Variants in PLPP4 observed in about 807,000 individuals in gnomAD.
The protein encoded by PLPP4 is diacylglycerol pyrophosphate like 2.
Under a neutral mutation model 32.2 loss-of-function variants are expected in PLPP4, and 20 were observed. The ratio of observed to expected loss-of-function variants is 0.62; its 90% CI spans 0.44 to 0.90. PLPP4 has a LOEUF of 0.90. Ranked by LOEUF, PLPP4 falls within the 40% of genes least tolerant of loss-of-function variation. PLPP4 has a pLI of 0.00. For missense variants in PLPP4, 257 were observed against 353.1 expected (o/e 0.73, Z 2.18); for synonymous variants, 127 against 133.0 (o/e 0.95, Z 0.31).
intron 1 of PLPP4, among the ~76,000 whole-genome samples, chr10:120,463,161 G>T (rs1001997523): frequency 9.2e-5 from 14 of 151,684 alleles, no homozygotes; most frequent in African/African-American, 3.4e-4. Flanking sequence ...CCAGTAGCTG[G>T]GACTACAGGT....
intron 2 of PLPP4, among the ~76,000 whole-genome samples, chr10:120,507,365 A>G (rs970299061): frequency 2.0e-5 from 3 of 151,428 alleles, no homozygotes; most frequent in African/African-American, 7.3e-5. Context: ...CATCATTATC[A>G]TCATCATCAT....
intron 6 of PLPP4, among the ~76,000 whole-genome samples, chr10:120,588,851 GC>G (rs1849885425): frequency 6.6e-6 from 1 of 152,198 alleles, no homozygotes; most frequent in Non-Finnish European, 1.5e-5. Context: ...TTCGAGACCA[GC>G]CTGGCCAACA....
intron 1 of PLPP4, among the ~76,000 whole-genome samples, chr10:120,494,908 T>C (rs1844893598): frequency 6.6e-6 from 1 of 152,198 alleles, no homozygotes; most frequent in Non-Finnish European, 1.5e-5. Context: ...CCAAGTAAGG[T>C]CATATCTCTG....
intron 5 of PLPP4, among the ~76,000 whole-genome samples, chr10:120,543,862 GTATTCGTCTTGTTGTGAC>G (rs1438170325): frequency 2.0e-5 from 3 of 152,278 alleles, no homozygotes; most frequent in Admixed American, 6.5e-5. Context: ...GAATCATACC[GTATTCGTCTTGTTGTGAC>G]TGTTTTCTTT....
rs1409263963 is a variant in PLPP4, at chr10:120,468,045, T to C, written c.56+10684T>C. On this transcript the variant is annotated intron_variant, in intron 1 of 6. Transcript: ENST00000398250. ...GGATAATGACCTCCAGCCCCATCCATGTTCCTGCAAAGGACATGATCTCAT... is the reference window on the plus strand; with the variant it reads ...GGATAATGACCTCCAGCCCCATCCACGTTCCTGCAAAGGACATGATCTCAT... 6.2e-5 allele frequency among the ~76,000 whole-genome samples: 4 copies of C among 64,964 alleles called. 2 individuals are homozygous for C. Among genetic ancestry groups the C allele is most frequent in the Non-Finnish European group, 1.8e-4 (4 of 22,376 alleles). 42.6% of individuals were successfully genotyped at this position (64,964 alleles called of 152,430 possible).
Position 120,541,598 on chromosome 10 carries a change from C to T in PLPP4, c.445+20503C>T, listed in dbSNP as rs369524678. Among the ~76,000 whole-genome samples the T allele has an allele frequency of 2.2e-4, 33 of 152,258 alleles. 1 individual carries two copies. In the South Asian group the frequency reaches 3.9e-3, roughly 18 times the overall value. On this transcript the variant is annotated intron_variant, in intron 5 of 6. Coordinates refer to ENST00000398250, the MANE Select transcript of PLPP4 (RefSeq NM_001030059.3). ...AGGGGGGACATATATTTACTCAACA[C>T]GTTCCTTTTGGAGTGGTTCTCATGT... is the stretch of plus-strand genomic sequence containing the variant.
chr10:120,589,419 G>A lies in PLPP4; in HGVS notation c.733G>A (p.Ala245Thr), dbSNP rs1156656615. ...ACCCTACGTTAGTCTGCGAGTCCCA[G>A]CCTCACTGAAGAAAGAGGAGAGGCC... ...HKPYVSLRVP[A>T]SLKKEERPTA... The change falls in exon 7 of 7, where the codon GCC becomes ACC. Residue 245 changes from alanine (A) to threonine (T), a missense_variant. By Grantham distance (58) the Ala-to-Thr change is moderately conservative. Coordinates refer to ENST00000398250, the MANE Select transcript of PLPP4 (RefSeq NM_001030059.3). 6.2e-7 allele frequency: 1 copy of A among 1,614,130 alleles called. No homozygotes were observed. Among genetic ancestry groups the A allele is most frequent in the Admixed American group, 1.7e-5 (1 of 60,024 alleles).
chr10:120,523,069 G>A (rs908554288), intron 5 of PLPP4, among the ~76,000 whole-genome samples: 3 of 152,082 alleles, frequency 2.0e-5, no homozygotes, highest in Non-Finnish European at 2.9e-5. Context: ...AGCCCAAGGC[G>A]GGTGGATCAC....
In PLPP4 at chr10:120,513,943, T is replaced by C. The variant is rs769043067; in HGVS notation, c.198T>C (p.Ile66=). 2.5e-6 allele frequency: 4 copies of C among 1,614,088 alleles called. No homozygotes were observed. Among genetic ancestry groups the C allele is most frequent in the Non-Finnish European group, 3.4e-6 (4 of 1,179,972 alleles). The change falls in exon 3 of 7, where the codon ATT becomes ATC. Residue 66 remains isoleucine, a synonymous_variant. Transcript: ENST00000398250. ...CTTTCCTCACACCCCTGGCTGTTAT[T>C]TGTGTGGTGAAAATTATCCGGCGAA... The part of the protein sequence containing the change: ...AISFLTPLAV[I]CVVKIIRRTD...
At position 120,457,246 on chromosome 10, in the gene PLPP4, C is replaced by T; in HGVS notation, c.-60C>T. On this transcript the variant is annotated 5_prime_UTR_variant, in exon 1 of 7. Coordinates refer to ENST00000398250, the MANE Select transcript of PLPP4 (RefSeq NM_001030059.3). ...CAGGGTCTGGCGAGCCGGCGCCGGC[C>T]GAGCTGCGGGAGCCGCGGAGAGCAC... 1 of 1,364,652 alleles carries T rather than the reference C, an allele frequency of 7.3e-7. No homozygotes were observed. The highest frequency in any genetic ancestry group is 9.6e-7 in the Non-Finnish European group (1 of 1,036,598). 84.5% of individuals were successfully genotyped at this position (1,364,652 alleles called of 1,614,324 possible).
At chr10:120,521,748 C>T (rs1427320622) in intron 5 of PLPP4, among the ~76,000 whole-genome samples, 1 of 152,212 alleles carries the variant, frequency 6.6e-6, no homozygotes, top group East Asian at 1.9e-4. Flanking sequence ...AATAAGAATG[C>T]CTCCATTATT....
Position 120,485,209 on chromosome 10 carries a change from T to C in PLPP4, c.57-18609T>C, listed in dbSNP as rs115293017. Among the ~76,000 whole-genome samples, 111 of 152,376 alleles carry C rather than the reference T, an allele frequency of 7.3e-4. 1 individual carries two copies. Among genetic ancestry groups the C allele is most frequent in the African/African-American group, 2.6e-3 (109 of 41,606 alleles). ...TGTTACAGCTGCAGTAGGAAACTTA[T>C]ACCATCTGTTTCTAAACCTGTGCCT... On this transcript the variant is annotated intron_variant, in intron 1 of 6. Transcript: ENST00000398250.
chr10:120,499,606 G>C (rs947413675), intron 1 of PLPP4, among the ~76,000 whole-genome samples: 5 of 152,064 alleles, frequency 3.3e-5, no homozygotes, highest in Admixed American at 2.0e-4. Context: ...TGCTGCCCTG[G>C]CCCCTTGTGA....
rs1025587245 is a variant in PLPP4, at chr10:120,473,769, C to A, written c.56+16408C>A. 2.6e-5 allele frequency among the ~76,000 whole-genome samples: 4 copies of A among 152,230 alleles called. No individual in the cohort carries two copies. The South Asian group carries it at 8.3e-4, about 32-fold the overall frequency. On this transcript the variant is annotated intron_variant, in intron 1 of 6. Coordinates refer to ENST00000398250, the MANE Select transcript of PLPP4 (RefSeq NM_001030059.3). ...TGAAAGTGAGTGGCACTTCCCCCTTCACTCTCTCTCTCCCCTGCTGCCAGG... is the reference window on the plus strand; with the variant it reads ...TGAAAGTGAGTGGCACTTCCCCCTTAACTCTCTCTCTCCCCTGCTGCCAGG...
At chr10:120,533,867 A>T (rs750485228) in intron 5 of PLPP4, among the ~76,000 whole-genome samples, 5 of 152,062 alleles carry the variant, frequency 3.3e-5, no homozygotes, top group Non-Finnish European at 7.4e-5. Flanking sequence ...CCTTAGTCCA[A>T]TCCGACTTTG....
intron 5 of PLPP4, among the ~76,000 whole-genome samples, chr10:120,546,056 AG>A (rs1847599595): frequency 6.6e-6 from 1 of 152,140 alleles, no homozygotes; most frequent in African/African-American, 2.4e-5. Flanking sequence ...ATGGTTTGCC[AG>A]GGGCTCTCGG....
chr10:120,543,380 C>T (rs1847451669), intron 5 of PLPP4, among the ~76,000 whole-genome samples: 1 of 152,156 alleles, frequency 6.6e-6, no homozygotes. Context: ...GCCTGTTACC[C>T]CTGATAGCTC....
chr10:120,550,526 A>G (rs1034527530), intron 5 of PLPP4, among the ~76,000 whole-genome samples: 1 of 151,968 alleles, frequency 6.6e-6, no homozygotes, highest in Non-Finnish European at 1.5e-5. Context: ...CCCAATTTCA[A>G]GAGTTCTTAT....
chr10:120,543,735 A>G (rs1847471349), intron 5 of PLPP4, among the ~76,000 whole-genome samples: 2 of 152,198 alleles, frequency 1.3e-5, no homozygotes, highest in Admixed American at 1.3e-4. Context: ...ATCTTGCAGA[A>G]CTAAAACTCT....
Sources: gnomAD v4.1 joint callset for allele counts (sites outside exome capture counted in the v4.1 genomes callset) on GRCh38, gnomAD v4.1.1 for gene constraint, MANE v1.5 for transcripts, NCBI Gene and HGNC (gene_info 2026-07-23, HGNC 2026-07-21) for gene names.